The following KYNU variants were observed in gnomAD, a reference collection of about 807,000 sequenced individuals.
The protein encoded by KYNU is L-kynurenine hydrolase.
A neutral mutation model predicts 59.2 loss-of-function variants in KYNU; 54 were observed. That is an observed-to-expected ratio of 0.91 (90% CI 0.73 to 1.14). The LOEUF is 1.14. KYNU is among the 50% of genes most tolerant of loss of function. The pLI is 0.00. For missense variants in KYNU, 567 were observed against 554.4 expected (o/e 1.02, Z -0.23); for synonymous variants, 177 against 192.0 (o/e 0.92, Z 0.65).
intron 4 of KYNU, among the ~76,000 whole-genome samples, chr2:142,934,046 G>C (rs1211370022): frequency 6.6e-6 from 1 of 152,204 alleles, no homozygotes; most frequent in Non-Finnish European, 1.5e-5. Context: ...AGTACAGCTT[G>C]GTTAATGAGC....
At chr2:142,898,105 C>T (rs1219631390) in intron 2 of KYNU, among the ~76,000 whole-genome samples, 1 of 152,102 alleles carries the variant, frequency 6.6e-6, no homozygotes, top group East Asian at 1.9e-4. Flanking sequence ...GTGTCCAGCT[C>T]CTGGGCTCAA....
intron 8 of KYNU, 32 bp downstream of exon 8, chr2:142,960,802 CT>C (rs1684318718): frequency 6.2e-7 from 1 of 1,607,332 alleles, no homozygotes; most frequent in East Asian, 2.2e-5. Context: ...TCCCACCTTA[CT>C]CCAAACATCA....
intron 12 of KYNU, among the ~76,000 whole-genome samples, chr2:143,035,656 T>A (rs1449749322): frequency 1.3e-5 from 2 of 152,210 alleles, no homozygotes; most frequent in African/African-American, 4.8e-5. Context: ...AATAGTACGA[T>A]CATGGCTTAG....
At chr2:142,901,493 C>T (rs1682086815) in intron 2 of KYNU, among the ~76,000 whole-genome samples, 1 of 152,024 alleles carries the variant, frequency 6.6e-6, no homozygotes, top group Admixed American at 6.6e-5. Flanking sequence ...ATTTTTCTTT[C>T]CTTTTCTTTC....
intron 10 of KYNU, among the ~76,000 whole-genome samples, chr2:142,992,628 A>T (rs974036656): frequency 2.6e-5 from 4 of 151,810 alleles, no homozygotes; most frequent in African/African-American, 7.3e-5. Flanking sequence ...ATGTGTGTGT[A>T]TACATACACA....
intron 4 of KYNU, chr2:142,947,321 C>A: frequency 8.2e-7 from 1 of 1,217,770 alleles, no homozygotes; most frequent in Non-Finnish European, 1.1e-6. Context: ...TAGAAGCATT[C>A]CATTTTTTCT....
intron 12 of KYNU, 65 bp from the exon 13 acceptor site, chr2:143,040,363 C>T (rs1272737397): frequency 4.6e-6 from 5 of 1,098,616 alleles, no homozygotes; most frequent in African/African-American, 1.5e-5. Context: ...GCATGATTTA[C>T]TCTTAATTTT....
chr2:142,905,740 GA>G (rs1365963378), intron 2 of KYNU, among the ~76,000 whole-genome samples: 1 of 152,160 alleles, frequency 6.6e-6, no homozygotes, highest in Non-Finnish European at 1.5e-5. Context: ...GCTACTGATT[GA>G]ATGCATTTGG....
At chr2:142,922,982 G>A (rs1484924515) in intron 3 of KYNU, among the ~76,000 whole-genome samples, 3 of 152,146 alleles carry the variant, frequency 2.0e-5, no homozygotes, top group Non-Finnish European at 2.9e-5. Flanking sequence ...CCAAGATGGT[G>A]CTTCTTGCTG....
At chr2:142,925,230 T>G (rs1353568350) in intron 3 of KYNU, among the ~76,000 whole-genome samples, 2 of 152,188 alleles carry the variant, frequency 1.3e-5, no homozygotes, top group East Asian at 3.8e-4. Context: ...ATTTTTGTCT[T>G]TAGCATTTAT....
chr2:142,969,393 T>C (rs1340711741), intron 8 of KYNU, among the ~76,000 whole-genome samples: 1 of 152,228 alleles, frequency 6.6e-6, no homozygotes, highest in Non-Finnish European at 1.5e-5. Context: ...AATTGGTCTT[T>C]ACTCTTCACT....
At chr2:143,032,711 TTGTGTGTGTGTGTG>T (rs61062901) in intron 11 of KYNU, among the ~76,000 whole-genome samples, 1 of 129,370 alleles carries the variant, frequency 7.7e-6, no homozygotes, top group African/African-American at 2.9e-5. Context: ...GCTCCCTCTA[TTGTGTGTGTGTGTG>T]TGTGTGTGTG....
At chr2:142,951,771 A>T (rs1272878460) in intron 4 of KYNU, among the ~76,000 whole-genome samples, 2 of 152,204 alleles carry the variant, frequency 1.3e-5, no homozygotes, top group African/African-American at 2.4e-5. Flanking sequence ...GCATTTTGTG[A>T]TGTGCTCAGT....
At chr2:142,920,817 G>A (rs1682854870) in intron 3 of KYNU, among the ~76,000 whole-genome samples, 1 of 152,144 alleles carries the variant, frequency 6.6e-6, no homozygotes. Flanking sequence ...CAACATCATG[G>A]ACCCGCCCAT....
At position 143,044,364 on chromosome 2, in the gene KYNU, G is replaced by A. The variant is rs1346896565; in HGVS notation, c.*2192G>A. The stretch of plus-strand genomic sequence containing the variant: ...GGGTATACCCAGTAATGGGATTGCT[G>A]GGTTAAATGGTATTTCTGGTTCTAG... On this transcript the variant is annotated 3_prime_UTR_variant, in exon 14 of 14. Coordinates refer to ENST00000264170, the MANE Select transcript of KYNU (RefSeq NM_003937.3). 6.6e-6 allele frequency: 1 copy of A among 152,126 alleles called. No homozygotes were observed. The highest frequency in any genetic ancestry group is 1.5e-5 in the Non-Finnish European group (1 of 68,020). 9.4% of individuals were successfully genotyped at this position (152,126 alleles called of 1,614,324 possible).
intron 2 of KYNU, among the ~76,000 whole-genome samples, chr2:142,906,492 T>C (rs899902275): frequency 6.6e-5 from 10 of 152,168 alleles, no homozygotes; most frequent in Non-Finnish European, 1.3e-4. Flanking sequence ...TCAAAAGTTA[T>C]ATACCTAAAT....
At chr2:142,909,427 G>A (rs1163427963) in intron 2 of KYNU, among the ~76,000 whole-genome samples, 1 of 152,058 alleles carries the variant, frequency 6.6e-6, no homozygotes, top group Non-Finnish European at 1.5e-5. Context: ...GTGATGCCAA[G>A]GTTTTGAGTA....
intron 2 of KYNU, among the ~76,000 whole-genome samples, chr2:142,915,466 C>G (rs1466523008): frequency 6.6e-6 from 1 of 152,160 alleles, no homozygotes; most frequent in Non-Finnish European, 1.5e-5. Flanking sequence ...CAAGCATGAG[C>G]TAGGGCTGGG....
intron 10 of KYNU, among the ~76,000 whole-genome samples, chr2:143,000,434 T>TA (rs1685678174): frequency 6.6e-6 from 1 of 152,200 alleles, no homozygotes; most frequent in Non-Finnish European, 1.5e-5. Context: ...CTATTGATCT[T>TA]ACTCTTATTG....
Sources: allele counts gnomAD v4.1 joint callset (sites outside exome capture counted in the v4.1 genomes callset), GRCh38; gene constraint gnomAD v4.1.1; transcripts MANE v1.5; gene names NCBI Gene and HGNC (gene_info 2026-07-23, HGNC 2026-07-21).